Variants in PPFIA3 observed in about 807,000 individuals in gnomAD.
PPFIA3 encodes liprin-alpha-3.
Under a neutral mutation model 145.8 loss-of-function variants are expected in PPFIA3, and 26 were observed. The ratio of observed to expected loss-of-function variants is 0.18; its 90% CI spans 0.13 to 0.25. The LOEUF is 0.25. PPFIA3 is among the 10% of genes least tolerant of loss of function. The probability of loss-of-function intolerance (pLI) is 1.00; values close to 1 mark genes in which losing one functional copy is unlikely to be tolerated. For missense variants in PPFIA3, 1,008 were observed against 1,587.8 expected (o/e 0.63, Z 6.21); for synonymous variants, 645 against 661.4 (o/e 0.98, Z 0.38).
At chr19:49,142,728 C>A in intron 20 of PPFIA3, 76 bp from the exon 21 acceptor site, 4 of 1,322,832 alleles carry the variant, frequency 3.0e-6, no homozygotes, top group Non-Finnish European at 4.3e-6. Context: ...TTCCCCACCT[C>A]CCTGTTCCCC....
At position 49,134,050 on chromosome 19, in the gene PPFIA3, A is replaced by C. The variant is rs145114679; in HGVS notation, c.1262A>C (p.Lys421Thr). The change falls in exon 11 of 30, where the codon AAG (lysine) becomes ACG (threonine). Residue 421 changes from lysine to threonine, a missense_variant. Coordinates refer to ENST00000334186, the MANE Select transcript of PPFIA3 (RefSeq NM_003660.4). ...QELQRARQREKMNDDHNKRLS... is the reference protein window; with the variant it reads ...QELQRARQRETMNDDHNKRLS... ...TTTGCGCAGGCCCGGCAGCGGGAGA[A>C]GATGAACGATGACCACAATAAGCGG... 3 of 1,613,102 alleles carry C rather than the reference A, an allele frequency of 1.9e-6. No individual in the cohort carries two copies. In the African/African-American group the frequency reaches 4.0e-5, roughly 22 times the overall value.
At chr19:49,150,201 C>G (rs1174568142) in intron 29 of PPFIA3, 35 bp from the exon 30 acceptor site, 16 of 1,468,368 alleles carry the variant, frequency 1.1e-5, no homozygotes, top group Non-Finnish European at 1.5e-5. Flanking sequence ...CACGGTGGAT[C>G]TTCACTGCTC....
chr19:49,138,355 C>G lies in PPFIA3; in HGVS notation c.2004C>G (p.Ser668=). ...CCACCTCTACCCTTGCCAGCCCCTC[C>G]CCTCCCAGCTCTGGCCACTCAACAC... ...SLTTSTLASP[S]PPSSGHSTPR... Residue 668 remains serine, a synonymous_variant, in exon 16 of 30, where the codon TCC becomes TCG. Coordinates refer to ENST00000334186, the MANE Select transcript of PPFIA3 (RefSeq NM_003660.4). 1 of 1,608,794 alleles carries G rather than the reference C, an allele frequency of 6.2e-7. No homozygotes were observed. The highest frequency in any genetic ancestry group is 8.5e-7 in the Non-Finnish European group (1 of 1,177,628).
chr19:49,124,049 C>G (rs2040967916), intron 1 of PPFIA3, among the ~76,000 whole-genome samples: 1 of 152,080 alleles, frequency 6.6e-6, no homozygotes, highest in African/African-American at 2.4e-5. Context: ...AACATGCATC[C>G]TTTTGATCCC....
At chr19:49,137,164 A>C in intron 15 of PPFIA3, 2 of 373,532 alleles carry the variant, frequency 5.4e-6, no homozygotes, top group Non-Finnish European at 4.8e-6. Context: ...GCATCCCCAA[A>C]TAGCCCAGTT....
Position 49,133,908 on chromosome 19 carries a change from TG to T in PPFIA3, c.1245+33del. 1 of 1,580,644 alleles carries T rather than the reference TG, an allele frequency of 6.3e-7. No homozygotes were observed. Among genetic ancestry groups the T allele is most frequent in the Non-Finnish European group, 8.6e-7 (1 of 1,164,170 alleles). On this transcript the variant is annotated intron_variant, in intron 10 of 29. Transcript: ENST00000334186. This position sits in a 1 kb window ranked among gnomAD's most constrained non-coding sequence, Gnocchi z 7.2. ...AGGGGGCGGAAGACTGCACAGAGGG[TG>T]GGGCTTCGAGGCTGGGGCGGAGCTT...
In PPFIA3 at chr19:49,119,670, C is replaced by T. The variant is rs1684530385; in HGVS notation, c.-68C>T. 1.3e-5 allele frequency: 2 copies of T among 151,434 alleles called. No homozygotes were observed. The highest frequency in any genetic ancestry group is 6.6e-5 in the Admixed American group (1 of 15,198). The allele number at this position is 151,434 out of a possible 1,614,324, so 9.4% of individuals were successfully genotyped here. A position where few individuals can be genotyped will look rare whatever the true frequency, so the allele number is the denominator to read the frequency against. Reference sequence around the variant, plus strand: ...GCCCCGCCCGGCCCCCCCACTCCACCCCACGTCCCTCCTGCAGCCCAGCTC... The same window carrying T: ...GCCCCGCCCGGCCCCCCCACTCCACTCCACGTCCCTCCTGCAGCCCAGCTC... On this transcript the variant is annotated 5_prime_UTR_variant, in exon 1 of 30. Transcript: ENST00000334186.
chr19:49,147,770 G>C (rs1211924720), intron 23 of PPFIA3, among the ~76,000 whole-genome samples: 11 of 151,930 alleles, frequency 7.2e-5, no homozygotes, highest in Non-Finnish European at 1.5e-4. Flanking sequence ...TCACCTGAGG[G>C]TCTTGTGAAA....
At chr19:49,141,937 A>ATGTG (rs113859565) in intron 19 of PPFIA3, 97 bp from the exon 20 acceptor site, 14,406 of 711,214 alleles carry the variant, frequency 0.02, 179 homozygotes, top group African/African-American at 0.078. Flanking sequence ...GCGTATGTGC[A>ATGTG]TGTGTGTGTG....
chr19:49,146,360 GGAGGGTA>G (rs1360054369), intron 23 of PPFIA3, 168 bp downstream of exon 23: 11 of 807,064 alleles, frequency 1.4e-5, no homozygotes, highest in Non-Finnish European at 2.1e-5. Context: ...TTGGCGGTGG[GGAGGGTA>G]GAGGGGATGC....
At chr19:49,125,624 T>C (rs1457354679) in intron 1 of PPFIA3, among the ~76,000 whole-genome samples, 1 of 152,118 alleles carries the variant, frequency 6.6e-6, no homozygotes, top group African/African-American at 2.4e-5. Context: ...TCCTGGGTCC[T>C]GGAGGAGGAG....
chr19:49,146,329 T>C (rs2041280333), intron 23 of PPFIA3, 137 bp downstream of exon 23: 2 of 1,100,988 alleles, frequency 1.8e-6, no homozygotes, highest in African/African-American at 3.1e-5. Flanking sequence ...CAAGCTTGGC[T>C]CTGGACTGTT....
intron 23 of PPFIA3, 22 bp downstream of exon 23, chr19:49,146,214 G>A: frequency 6.2e-7 from 1 of 1,612,336 alleles, no homozygotes; most frequent in East Asian, 2.2e-5. Context: ...GGGGCGGGGC[G>A]TGAGCGCATG....
Position 49,149,792 on chromosome 19 carries a change from G to C in PPFIA3, c.3526+74G>C. ...GGCATGGACCACCTCAGTAGTCCGG[G>C]TTCTGGAATGGCCTAGTCCTTTCTC... On this transcript the variant is annotated intron_variant, in intron 28 of 29. Coordinates refer to ENST00000334186, the MANE Select transcript of PPFIA3 (RefSeq NM_003660.4). This position sits in a 1 kb window ranked among gnomAD's most constrained non-coding sequence, Gnocchi z 5.7. 3 of 1,510,516 alleles carry C rather than the reference G, an allele frequency of 2.0e-6. No individual in the cohort carries two copies. Among genetic ancestry groups the C allele is most frequent in the Non-Finnish European group, 1.8e-6 (2 of 1,128,296 alleles). The allele number at this position is 1,510,516 out of a possible 1,614,324, so 93.6% of individuals were successfully genotyped here.
rs1205461307 is a variant in PPFIA3 at position 49,149,571 on chromosome 19, T to A, written c.3379T>A (p.Ser1127Thr). ...DEDSAKSFSR[S>T]PSWRKMFREK... is the part of the protein sequence containing the mutation. ...GGACAGCGCCAAGTCTTTCAGCCGC[T>A]CCCCATCCTGGCGGAAGATGTTCCG... Residue 1127 changes from serine (S) to threonine (T), a missense_variant, in exon 28 of 30, where the codon TCC becomes ACC. By Grantham distance (58) the Ser-to-Thr change is moderately conservative. Around this residue, in one of 11 missense-constraint regions of PPFIA3, gnomAD observed 125 missense variants for 159.3 expected, o/e 0.78. Coordinates refer to ENST00000334186, the MANE Select transcript of PPFIA3 (RefSeq NM_003660.4). The surrounding 1 kb of genome is among the most constrained non-coding windows in gnomAD (Gnocchi z 5.7). 1.2e-6 allele frequency: 2 copies of A among 1,614,072 alleles called. No individual in the cohort carries two copies. The highest frequency in any genetic ancestry group is 1.1e-5 in the South Asian group (1 of 91,058).
Position 49,148,667 on chromosome 19 carries a change from G to T in PPFIA3, c.3013G>T (p.Val1005Leu). 1.2e-6 allele frequency: 2 copies of T among 1,612,000 alleles called. No homozygotes were observed. The highest frequency in any genetic ancestry group is 1.1e-5 in the South Asian group (1 of 90,982). ...QLKMVDSFHR[V>L]SLHYGIMCLK... is the part of the protein sequence containing the mutation. ...GACTCCACTTCCCCTGCTGCTCAGG[G>T]TGAGTCTACATTATGGGATTATGTG... The change falls in exon 25 of 30, where the codon GTG becomes TTG. Residue 1005 changes from valine to leucine, a missense_variant and splice_region_variant. Around this residue, in one of 11 missense-constraint regions of PPFIA3, gnomAD observed 154 missense variants for 369.2 expected, o/e 0.42. Transcript: ENST00000334186.
rs966984726 is a variant in PPFIA3 at position 49,135,342 on chromosome 19, C to T, written c.1520+427C>T. ...CAGGTGTGAGCCACTGTGCTCAGCC[C>T]ACTCTGGTTTTTTACCCTGACTTTA... On this transcript the variant is annotated intron_variant, in intron 13 of 29. Coordinates refer to ENST00000334186, the MANE Select transcript of PPFIA3 (RefSeq NM_003660.4). Among the ~76,000 whole-genome samples, 6 of 151,968 alleles carry T rather than the reference C, an allele frequency of 3.9e-5. No homozygotes were observed. The East Asian group carries it at 7.8e-4, about 20-fold the overall frequency.
intron 7 of PPFIA3, among the ~76,000 whole-genome samples, chr19:49,131,192 G>T (rs1266383922): frequency 1.5e-4 from 10 of 68,010 alleles, no homozygotes; most frequent in South Asian, 1.1e-3. Context: ...TTTTTGAGAT[G>T]GAGTCTAGCT....
At chr19:49,131,813 A>C (rs1600332230) in intron 7 of PPFIA3, among the ~76,000 whole-genome samples, 1 of 151,204 alleles carries the variant, frequency 6.6e-6, no homozygotes, top group African/African-American at 2.4e-5. Context: ...GATCAAGACC[A>C]TCCTGGCTAA....
Sources: allele counts gnomAD v4.1 joint callset (sites outside exome capture counted in the v4.1 genomes callset), GRCh38; gene constraint gnomAD v4.1.1; regional missense constraint gnomAD v4.1.1; non-coding constraint Gnocchi (gnomAD v3.1); transcripts MANE v1.5; gene names NCBI Gene and HGNC (gene_info 2026-07-23, HGNC 2026-07-21).